Variants in TRAPPC13 observed in about 807,000 individuals in gnomAD.
The protein encoded by TRAPPC13 is REV7-interacting novel NHEJ regulator 1.
Under a neutral mutation model 54.0 loss-of-function variants are expected in TRAPPC13, and 39 were observed. The observed-to-expected ratio is 0.72, with a 90% confidence interval of 0.56 to 0.94. The LOEUF is 0.94. Among genes scored for constraint, TRAPPC13 ranks in the 40% least tolerant of loss-of-function variants. TRAPPC13 has a pLI of 0.00. For synonymous variants in TRAPPC13, 148 were observed against 167.7 expected (o/e 0.88, Z 0.91); for missense variants, 386 against 488.1 (o/e 0.79, Z 1.97).
At chr5:65,633,285 AT>A (rs1215403343) in intron 1 of TRAPPC13, among the ~76,000 whole-genome samples, 464 of 146,052 alleles carry the variant, frequency 3.2e-3, no homozygotes, top group East Asian at 0.01. Flanking sequence ...ATTTGAAGGA[AT>A]TTTTTTTTTT....
intron 1 of TRAPPC13, among the ~76,000 whole-genome samples, chr5:65,631,283 T>C (rs151237597): frequency 6.5e-4 from 99 of 152,354 alleles, no homozygotes; most frequent in African/African-American, 2.3e-3. Flanking sequence ...AGGAGCTTGA[T>C]AATGCATGGT....
intron 1 of TRAPPC13, chr5:65,634,930 A>G (rs1439022304): frequency 1.1e-6 from 1 of 894,436 alleles, no homozygotes; most frequent in South Asian, 5.2e-5. Context: ...CTGAGTTTCC[A>G]AAGTTAATAT....
chr5:65,626,870 G>T (rs1389637334), intron 1 of TRAPPC13, among the ~76,000 whole-genome samples: 2 of 152,058 alleles, frequency 1.3e-5, no homozygotes, highest in Non-Finnish European at 2.9e-5. Flanking sequence ...TAAGCCAGGC[G>T]TGGTGGCTCA....
chr5:65,626,105 TAGACTAAAATGG>T (rs1755215082), intron 1 of TRAPPC13: 1 of 152,176 alleles, frequency 6.6e-6, no homozygotes, highest in Non-Finnish European at 1.5e-5. Flanking sequence ...GCAAATGATC[TAGACTAAAATGG>T]AGATTAAAAT....
chr5:65,644,451 C>G (rs190001214), intron 4 of TRAPPC13, among the ~76,000 whole-genome samples: 36 of 152,306 alleles, frequency 2.4e-4, no homozygotes, highest in Non-Finnish European at 4.1e-4. Flanking sequence ...AACCCCTTTC[C>G]TCTTTGCCTT....
chr5:65,663,549 A>C (rs1336754337), intron 11 of TRAPPC13: 1 of 152,234 alleles, frequency 6.6e-6, no homozygotes, highest in Non-Finnish European at 1.5e-5. Flanking sequence ...TTTGGAGCCA[A>C]GTATAAGAAT....
intron 11 of TRAPPC13, chr5:65,663,250 A>G (rs996807411): frequency 3.9e-5 from 6 of 152,066 alleles, no homozygotes; most frequent in African/African-American, 1.2e-4. Flanking sequence ...TTGGTGATTC[A>G]TACAAGTTTT....
intron 1 of TRAPPC13, among the ~76,000 whole-genome samples, chr5:65,627,602 C>T (rs532870944): frequency 6.6e-6 from 1 of 150,916 alleles, no homozygotes; most frequent in Admixed American, 6.6e-5. Context: ...TGCACTCTAA[C>T]CTGGGCAACA....
Position 65,647,207 on chromosome 5 carries a change from C to G in TRAPPC13, c.428+25C>G, listed in dbSNP as rs200873645. On this transcript the variant is annotated intron_variant, in intron 5 of 12. Coordinates refer to ENST00000399438, the MANE Select transcript of TRAPPC13 (RefSeq NM_024941.4). ...TGTAAGGATTAATTTTATTAGTTCT[C>G]AAAGGTTTTTACTTATATATGCCTT... 913 of 1,558,084 alleles carry G rather than the reference C, an allele frequency of 5.9e-4. 2 individuals carry two copies. The highest frequency in any genetic ancestry group is 7.5e-4 in the Non-Finnish European group (866 of 1,153,568).
chr5:65,644,510 T>C (rs1756106015), intron 4 of TRAPPC13, among the ~76,000 whole-genome samples: 1 of 152,206 alleles, frequency 6.6e-6, no homozygotes, highest in Non-Finnish European at 1.5e-5. Context: ...AAATGACACA[T>C]AGGACACACA....
At chr5:65,635,260 A>G in intron 1 of TRAPPC13, 41 bp from the exon 2 acceptor site, 1 of 1,524,028 alleles carries the variant, frequency 6.6e-7, no homozygotes, top group South Asian at 1.1e-5. Context: ...AACCCTAAGC[A>G]GTATTAATGT....
chr5:65,656,114 A>G (rs1756643601), intron 8 of TRAPPC13, among the ~76,000 whole-genome samples: 2 of 152,228 alleles, frequency 1.3e-5, no homozygotes, highest in South Asian at 4.1e-4. Flanking sequence ...GAAGAAAAGC[A>G]AATTTTCCCA....
intron 5 of TRAPPC13, among the ~76,000 whole-genome samples, chr5:65,650,279 A>C (rs1756379161): frequency 1.3e-5 from 2 of 148,360 alleles, no homozygotes. Flanking sequence ...CTCCTGCCTC[A>C]GCCTCCTGAG....
At chr5:65,625,129 C>A in intron 1 of TRAPPC13, 23 bp downstream of exon 1, 1 of 1,604,750 alleles carries the variant, frequency 6.2e-7, no homozygotes, top group Non-Finnish European at 8.5e-7. Context: ...GAACCTGATT[C>A]CCCCTTTTCT....
chr5:65,632,646 G>C (rs468679), intron 1 of TRAPPC13, among the ~76,000 whole-genome samples: 37,792 of 152,026 alleles, frequency 0.25, 4,985 homozygotes, highest in Non-Finnish European at 0.3. Context: ...TGCCCTATCT[G>C]TATATTGGGG....
At chr5:65,626,708 C>G (rs767811384) in intron 1 of TRAPPC13, among the ~76,000 whole-genome samples, 6 of 152,040 alleles carry the variant, frequency 3.9e-5, no homozygotes, top group African/African-American at 9.7e-5. Flanking sequence ...TGCACGCCAT[C>G]CTAGGCAACA....
At chr5:65,660,920 T>C in intron 10 of TRAPPC13, 23 bp downstream of exon 10, 1 of 1,584,686 alleles carries the variant, frequency 6.3e-7, no homozygotes, top group Non-Finnish European at 8.6e-7. Context: ...AAAACTTCGC[T>C]GGGGTTTTGG....
At chr5:65,649,070 G>A (rs1274646537) in intron 5 of TRAPPC13, among the ~76,000 whole-genome samples, 1 of 152,062 alleles carries the variant, frequency 6.6e-6, no homozygotes, top group African/African-American at 2.4e-5. Flanking sequence ...ACAAAAATTA[G>A]CCAGACATGA....
rs902948810 is a variant in TRAPPC13, at chr5:65,665,864, T to A, written c.*1253T>A. ...ATAAAAGCTATTCTATTTTGGTAAG[T>A]TGAAATTCAAGAATGTATATATAAT... On this transcript the variant is annotated 3_prime_UTR_variant, in exon 13 of 13. Transcript: ENST00000399438. The A allele has an allele frequency of 3.3e-5, 5 of 152,616 alleles. No homozygotes were observed. The highest frequency in any genetic ancestry group is 1.2e-4 in the African/African-American group (5 of 41,476). 9.5% of individuals were successfully genotyped at this position (152,616 alleles called of 1,614,324 possible).
Sources: gnomAD v4.1 joint callset for allele counts (sites outside exome capture counted in the v4.1 genomes callset) on GRCh38, gnomAD v4.1.1 for gene constraint, MANE v1.5 for transcripts, NCBI Gene and HGNC (gene_info 2026-07-23, HGNC 2026-07-21) for gene names.